The following GSE1 variants were observed in gnomAD, a reference collection of about 807,000 sequenced individuals.
GSE1 encodes the protein Gse1 coiled-coil protein, also known as genetic suppressor element 1.
Under a neutral mutation model 112.6 loss-of-function variants are expected in GSE1, and 32 were observed. The ratio of observed to expected loss-of-function variants is 0.28; its 90% CI spans 0.21 to 0.38. The LOEUF (loss-of-function observed/expected upper bound fraction) is 0.38. Among genes scored for constraint, GSE1 ranks in the 10% least tolerant of loss-of-function variants. The pLI, the probability that GSE1 is intolerant of heterozygous loss-of-function variation, is 1.00. For missense variants in GSE1, 2,348 were observed against 1,699.2 expected (o/e 1.38, Z -6.71); for synonymous variants, 1,115 against 735.6 (o/e 1.52, Z -8.35).
intron 1 of GSE1, among the ~76,000 whole-genome samples, chr16:85,223,933 G>C (rs922862190): frequency 1.3e-5 from 2 of 152,100 alleles, no homozygotes; most frequent in Non-Finnish European, 2.9e-5. Context: ...AAGGCACACA[G>C]TTCAGTGACA....
At chr16:85,246,543 G>A (rs1905856881) in intron 1 of GSE1, among the ~76,000 whole-genome samples, 1 of 128,006 alleles carries the variant, frequency 7.8e-6, no homozygotes, top group South Asian at 2.4e-4. Context: ...GTGATTAGCA[G>A]CTGTGCAGGA....
At chr16:85,463,401 G>A (rs1238048750) in intron 2 of GSE1, among the ~76,000 whole-genome samples, 1 of 152,256 alleles carries the variant, frequency 6.6e-6, no homozygotes, top group Admixed American at 6.5e-5. Context: ...AGCCGGGGGA[G>A]GCTGCCCTCA....
intron 1 of GSE1, among the ~76,000 whole-genome samples, chr16:85,583,736 A>C (rs2046557548): frequency 6.6e-6 from 1 of 152,116 alleles, no homozygotes; most frequent in Non-Finnish European, 1.5e-5. Context: ...AAACACAAAA[A>C]AACAAAAGAG....
intron 15 of GSE1, among the ~76,000 whole-genome samples, chr16:85,671,648 C>G (rs2053350407): frequency 6.6e-6 from 1 of 152,080 alleles, no homozygotes; most frequent in Non-Finnish European, 1.5e-5. Flanking sequence ...AGTTGATTAT[C>G]TAGGATTTAC....
At chr16:85,300,252 T>A (rs1037563035) in intron 1 of GSE1, among the ~76,000 whole-genome samples, 4 of 152,114 alleles carry the variant, frequency 2.6e-5, no homozygotes, top group African/African-American at 9.7e-5. Context: ...CCTCAGGTGA[T>A]CGTCCCACCT....
Position 85,296,005 on chromosome 16 carries a change from C to G in GSE1, c.2284-61458C>G, listed in dbSNP as rs368669292. Among the ~76,000 whole-genome samples, 4 of 152,278 alleles carry G rather than the reference C, an allele frequency of 2.6e-5. No individual in the cohort carries two copies. The East Asian group carries it at 5.8e-4, about 22-fold the overall frequency. Reference sequence around the variant, plus strand: ...CAATCCAGCCTTTTGGAGCACCCATCCAGGAAGCCGGCACCACAGCTCTCC... The same window carrying G: ...CAATCCAGCCTTTTGGAGCACCCATGCAGGAAGCCGGCACCACAGCTCTCC... On this transcript the variant is annotated intron_variant, in intron 1 of 2. Coordinates refer to the GSE1 transcript ENST00000637419.
At chr16:85,644,413 A>G (rs1353757582) in intron 2 of GSE1, among the ~76,000 whole-genome samples, 1 of 151,656 alleles carries the variant, frequency 6.6e-6, no homozygotes, top group African/African-American at 2.4e-5. Flanking sequence ...CCCAGCCTGT[A>G]TGCCACCAGC....
At chr16:85,638,307 T>C (rs1206211592) in intron 2 of GSE1, among the ~76,000 whole-genome samples, 1 of 152,214 alleles carries the variant, frequency 6.6e-6, no homozygotes, top group Non-Finnish European at 1.5e-5. Context: ...CTGGAGGCGC[T>C]GAGACGTCTT....
chr16:85,317,100 A>C (rs1037612025), intron 1 of GSE1, among the ~76,000 whole-genome samples: 3 of 152,164 alleles, frequency 2.0e-5, no homozygotes, highest in Non-Finnish European at 4.4e-5. Flanking sequence ...TTTAACCATG[A>C]GCGTTTACTG....
intron 1 of GSE1, among the ~76,000 whole-genome samples, chr16:85,304,488 G>C (rs2045612808): frequency 6.6e-6 from 1 of 152,110 alleles, no homozygotes; most frequent in Non-Finnish European, 1.5e-5. Context: ...CAGCTCTGTG[G>C]AGCTCAGGCT....
intron 2 of GSE1, among the ~76,000 whole-genome samples, chr16:85,452,818 G>A (rs1258997254): frequency 1.3e-5 from 2 of 152,200 alleles, no homozygotes; most frequent in East Asian, 1.9e-4. Flanking sequence ...TCCCCCGTTC[G>A]TTCTGTGAAC....
chr16:85,640,401 G>C (rs1365030586), intron 2 of GSE1, among the ~76,000 whole-genome samples: 2 of 152,264 alleles, frequency 1.3e-5, no homozygotes, highest in Non-Finnish European at 2.9e-5. Context: ...CCGACAGGTG[G>C]TGGCAGTGGG....
At chr16:85,242,395 T>C (rs141054672) in intron 1 of GSE1, among the ~76,000 whole-genome samples, 1,799 of 152,282 alleles carry the variant, frequency 0.012, 44 homozygotes, top group African/African-American at 0.04. Flanking sequence ...TGGGTCAGTG[T>C]GGTCAGCAGG....
chr16:85,480,760 G>T (rs745694450), intron 2 of GSE1, among the ~76,000 whole-genome samples: 4 of 151,722 alleles, frequency 2.6e-5, no homozygotes, highest in Non-Finnish European at 5.9e-5. Flanking sequence ...CTGTCGGTCA[G>T]GTCCAGGGCC....
intron 2 of GSE1, among the ~76,000 whole-genome samples, chr16:85,432,205 T>C (rs980946815): frequency 6.6e-6 from 1 of 152,274 alleles, no homozygotes; most frequent in Non-Finnish European, 1.5e-5. Context: ...ATTGCCGTGC[T>C]TCCAGAACAT....
At chr16:85,574,189 C>T (rs992394492) in intron 1 of GSE1, among the ~76,000 whole-genome samples, 4 of 152,212 alleles carry the variant, frequency 2.6e-5, no homozygotes, top group African/African-American at 9.7e-5. Flanking sequence ...GAAAGGAAGC[C>T]ATTGAGGGCC....
At chr16:85,514,411 C>T (rs2051851542) in intron 2 of GSE1, among the ~76,000 whole-genome samples, 1 of 140,858 alleles carries the variant, frequency 7.1e-6, no homozygotes, top group Non-Finnish European at 1.5e-5. Flanking sequence ...CCCAGGATGC[C>T]CGCATGCTCT....
At chr16:85,510,595 CTG>C (rs1201452750) in intron 2 of GSE1, among the ~76,000 whole-genome samples, 2 of 152,218 alleles carry the variant, frequency 1.3e-5, no homozygotes, top group Non-Finnish European at 2.9e-5. Flanking sequence ...CTGGAAAACA[CTG>C]GAAGGGAGGG....
intron 1 of GSE1, among the ~76,000 whole-genome samples, chr16:85,585,085 C>T (rs2046627436): frequency 6.6e-6 from 1 of 152,100 alleles, no homozygotes; most frequent in African/African-American, 2.4e-5. Flanking sequence ...AGGACATTTT[C>T]TAAAAGGTGA....
Sources: allele counts gnomAD v4.1 joint callset (sites outside exome capture counted in the v4.1 genomes callset), GRCh38; gene constraint gnomAD v4.1.1; transcripts MANE v1.5; gene names NCBI Gene and HGNC (gene_info 2026-07-23, HGNC 2026-07-21).